Variants in LRRC74B observed in about 807,000 individuals in gnomAD.
The protein encoded by LRRC74B is leucine rich repeat containing 74B.
LRRC74B carries 30 observed loss-of-function variants against 16.6 expected under a neutral mutation model. The observed-to-expected ratio is 1.80, with a 90% CI of 1.35 to 2.45. The LOEUF is 2.45. Among genes scored for constraint, LRRC74B ranks in the 30% most tolerant of loss-of-function variants. The pLI is 0.00. For synonymous variants in LRRC74B, 134 were observed against 86.0 expected (o/e 1.56, Z -3.09); for missense variants, 326 against 202.4 (o/e 1.61, Z -3.71).
chr22:21,047,221 A>G, intron 1 of LRRC74B, 135 bp from the exon 2 acceptor site: 1 of 604,464 alleles, frequency 1.7e-6, no homozygotes, highest in Non-Finnish European at 3.0e-6. Context: ...GTCATATGGG[A>G]GCAGTGGTCC....
chr22:21,047,784 G>T (rs1340131364), intron 2 of LRRC74B, 100 bp from the exon 3 acceptor site: 3 of 671,786 alleles, frequency 4.5e-6, no homozygotes, highest in African/African-American at 3.6e-5. Flanking sequence ...CTTAAAACAG[G>T]TGGGAAGGGG....
At chr22:21,047,542 C>G in intron 2 of LRRC74B, 44 bp downstream of exon 2, 1 of 711,286 alleles carries the variant, frequency 1.4e-6, no homozygotes, top group South Asian at 1.5e-5. Context: ...GGGGAGAGGC[C>G]TCGGGAGACA....
chr22:21,062,241 ATTTC>A (rs1001988181), downstream of LRRC74B: 2 of 152,150 alleles, frequency 1.3e-5, no homozygotes, highest in Non-Finnish European at 2.9e-5. Context: ...AAGGATGTGG[ATTTC>A]TTTGGGGGGT....
intron 5 of LRRC74B, 96 bp downstream of exon 5, chr22:21,052,454 C>A (rs565096405): frequency 2.5e-5 from 17 of 686,150 alleles, no homozygotes; most frequent in South Asian, 2.5e-4. Context: ...CGGAAATGAA[C>A]CTTGGATCTT....
At chr22:21,050,617 A>C (rs1929938536) in intron 4 of LRRC74B, among the ~76,000 whole-genome samples, 1 of 151,304 alleles carries the variant, frequency 6.6e-6, no homozygotes. Context: ...TCTCTACTAA[A>C]AATACAAAAA....
downstream of LRRC74B, among the ~76,000 whole-genome samples, chr22:21,060,743 G>C (rs1310359484): frequency 6.6e-6 from 1 of 152,088 alleles, no homozygotes; most frequent in Admixed American, 6.6e-5. Context: ...ACTCATTCCT[G>C]TCACACAAAC....
At chr22:21,060,320 G>A in intron 8 of LRRC74B, 53 bp from the exon 9 acceptor site, 2 of 637,980 alleles carry the variant, frequency 3.1e-6, no homozygotes, top group Non-Finnish European at 5.8e-6. Flanking sequence ...GTGAAAAATG[G>A]TGAAGTTCTC....
chr22:21,055,248 C>T (rs975597236), intron 7 of LRRC74B, 72 bp downstream of exon 7: 1 of 679,032 alleles, frequency 1.5e-6, no homozygotes, highest in Admixed American at 2.0e-5. Flanking sequence ...ATCCCTCCCC[C>T]ACAGCCCCCA....
downstream of LRRC74B, among the ~76,000 whole-genome samples, chr22:21,060,804 G>A (rs1245195977): frequency 6.6e-6 from 1 of 152,148 alleles, no homozygotes; most frequent in Non-Finnish European, 1.5e-5. Context: ...AGATGCCCAA[G>A]CAAGTCCCTG....
At chr22:21,051,591 A>G (rs899703659) in intron 4 of LRRC74B, among the ~76,000 whole-genome samples, 3 of 145,238 alleles carry the variant, frequency 2.1e-5, no homozygotes, top group Admixed American at 1.4e-4. Flanking sequence ...CTCTGCCCCC[A>G]CCCAGCCCAG....
intron 4 of LRRC74B, 38 bp downstream of exon 4, chr22:21,049,195 A>C (rs947008247): frequency 2.9e-6 from 2 of 695,934 alleles, no homozygotes; most frequent in African/African-American, 3.5e-5. Flanking sequence ...ATGAAAGCTC[A>C]GCTTCCTGGG....
intron 3 of LRRC74B, chr22:21,048,234 C>T (rs1601806304): frequency 1.8e-6 from 1 of 549,160 alleles, no homozygotes. Context: ...CCACCCCACA[C>T]CATCACTCCC....
intron 6 of LRRC74B, 96 bp downstream of exon 6, chr22:21,053,571 G>T: frequency 1.6e-6 from 1 of 639,414 alleles, no homozygotes; most frequent in Non-Finnish European, 2.9e-6. Flanking sequence ...CCCGTGATGG[G>T]GCTTGAGCCA....
At chr22:21,051,296 G>C (rs1316600562) in intron 4 of LRRC74B, among the ~76,000 whole-genome samples, 2 of 152,198 alleles carry the variant, frequency 1.3e-5, no homozygotes, top group Non-Finnish European at 2.9e-5. Flanking sequence ...TGGTGTTCCT[G>C]TGAGGGTTGT....
In LRRC74B at chr22:21,056,092, C is replaced by T. The variant is rs186040889; in HGVS notation, c.927+916C>T. On this transcript the variant is annotated intron_variant, in intron 7 of 8. Transcript: ENST00000442047. ...TCCTCTCTTAGCTTCTGTGAACTTG[C>T]GGGATTCCTGGCTGCGGTTCTTTCT... is the stretch of plus-strand genomic sequence containing the variant. Among the ~76,000 whole-genome samples the T allele has an allele frequency of 1.4e-3, 214 of 152,264 alleles. 1 individual carries two copies. Among genetic ancestry groups the T allele is most frequent in the East Asian group, 2.7e-3 (14 of 5,178 alleles).
chr22:21,055,602 G>A (rs1930458117), intron 7 of LRRC74B, among the ~76,000 whole-genome samples: 1 of 152,176 alleles, frequency 6.6e-6, no homozygotes, highest in Non-Finnish European at 1.5e-5. Flanking sequence ...TGCTGAGCAG[G>A]ACAGGGAGCA....
chr22:21,051,601 G>C (rs1284277125), intron 4 of LRRC74B, among the ~76,000 whole-genome samples: 1 of 151,812 alleles, frequency 6.6e-6, no homozygotes, highest in African/African-American at 2.4e-5. Flanking sequence ...ACCCAGCCCA[G>C]TCTATCCTGG....
intron 2 of LRRC74B, 21 bp downstream of exon 2, chr22:21,047,519 T>G (rs1286756962): frequency 2.8e-6 from 2 of 716,672 alleles, no homozygotes; most frequent in African/African-American, 3.5e-5. Flanking sequence ...AGGGACACTG[T>G]ATCCAGGCTT....
exon 4 of LRRC74B, chr22:21,048,958 C>T (rs1399856924): frequency 3.1e-5 from 22 of 716,140 alleles, no homozygotes; most frequent in East Asian, 8.0e-5. Context: ...CAGATGTGGA[C>T]CTGTCGGAGA....
Sources: gnomAD v4.1 joint callset for allele counts (sites outside exome capture counted in the v4.1 genomes callset) on GRCh38, gnomAD v4.1.1 for gene constraint, MANE v1.5 for transcripts, NCBI Gene and HGNC (gene_info 2026-07-23, HGNC 2026-07-21) for gene names.